The following ALDH3B2 variants were observed in gnomAD, a reference collection of about 807,000 sequenced individuals.
ALDH3B2 encodes the protein aldehyde dehydrogenase family 3 member B2.
Under a neutral mutation model 36.7 loss-of-function variants are expected in ALDH3B2, and 45 were observed. That is an observed-to-expected ratio of 1.23 (90% CI 0.97 to 1.57). ALDH3B2 has a LOEUF of 1.57. Among genes scored for constraint, ALDH3B2 ranks in the 40% most tolerant of loss-of-function variants. The pLI, the probability that ALDH3B2 is intolerant of heterozygous loss-of-function variation, is 0.00. For synonymous variants in ALDH3B2, 217 were observed against 226.5 expected (o/e 0.96, Z 0.38); for missense variants, 464 against 513.3 (o/e 0.90, Z 0.93).
At chr11:67,675,973 C>T (rs571461625), upstream of ALDH3B2, among the ~76,000 whole-genome samples, 5 of 152,272 alleles carry the variant, frequency 3.3e-5, no homozygotes, top group South Asian at 2.1e-4. Flanking sequence ...AGGTCGGGTG[C>T]GGTGGCTCAT....
chr11:67,665,322 G>A (rs1483517726), exon 7 of ALDH3B2: 1 of 1,611,222 alleles, frequency 6.2e-7, no homozygotes, highest in South Asian at 1.1e-5. Context: ...GGCCCCCAAT[G>A]GCCACGCGGC....
chr11:67,664,254 A>G, intron 8 of ALDH3B2, 142 bp downstream of exon 8: 2 of 1,313,236 alleles, frequency 1.5e-6, no homozygotes, highest in Non-Finnish European at 2.1e-6. Flanking sequence ...CGCCGGATGC[A>G]GTGGTACCAG....
chr11:67,678,640 T>TAC (rs566908455), upstream of ALDH3B2, among the ~76,000 whole-genome samples: 291 of 150,730 alleles, frequency 1.9e-3, 2 homozygotes, highest in Non-Finnish European at 3.4e-3. Context: ...ATGGTACATA[T>TAC]ATATATATAT....
Position 67,672,042 on chromosome 11 carries a change from CATATATATATATATATATATATAT to C in ALDH3B2, c.-245+2371_-245+2394del, listed in dbSNP as rs57997475. On this transcript the variant is annotated intron_variant, in intron 1 of 9. Transcript: ENST00000349015. ...CTTTCTGGATGGAACCGATGTACTT[CATATATATATATATATATATATAT>C]ATATATATATATATATATATATGTA... Among the ~76,000 whole-genome samples the C allele has an allele frequency of 4.4e-4, 22 of 49,494 alleles. No homozygotes were observed. The South Asian group carries it at 9.5e-3, about 21-fold the overall frequency. The allele number at this position is 49,494 out of a possible 152,430, so 32.5% of individuals were successfully genotyped here.
At chr11:67,669,713 T>C (rs1301670311) in intron 1 of ALDH3B2, among the ~76,000 whole-genome samples, 1 of 148,014 alleles carries the variant, frequency 6.8e-6, no homozygotes, top group Non-Finnish European at 1.5e-5. Flanking sequence ...TGGGTGTCTG[T>C]GTGCGTATGG....
chr11:67,671,865 C>A, intron 1 of ALDH3B2, among the ~76,000 whole-genome samples: 1 of 114,578 alleles, frequency 8.7e-6, no homozygotes, highest in Admixed American at 8.5e-5. Flanking sequence ...TTATTCACAG[C>A]CACCCCTCTG....
upstream of ALDH3B2, among the ~76,000 whole-genome samples, chr11:67,679,622 A>G (rs1278335487): frequency 6.6e-6 from 1 of 152,040 alleles, no homozygotes; most frequent in African/African-American, 2.4e-5. Flanking sequence ...TACTAAAAAT[A>G]CAAAAAATTA....
chr11:67,667,018 T>C lies in ALDH3B2; in HGVS notation c.-81-2A>G. The C allele has an allele frequency of 6.4e-7, 1 of 1,573,402 alleles. No homozygotes were observed. The highest frequency in any genetic ancestry group is 8.7e-7 in the Non-Finnish European group (1 of 1,144,192). On this transcript the variant is annotated splice_acceptor_variant, in intron 2 of 9. Transcript: ENST00000349015. LOFTEE classifies it low-confidence loss of function (5UTR_SPLICE). ...AGATATGTCTGCCTCGAAAGCTGGC[T>C]GTGGTGGAGGTGGAATTCAGAGTGG...
In ALDH3B2 at chr11:67,672,085, A is replaced by ACG. The variant is rs1856135992; in HGVS notation, c.-245+2351_-245+2352insCG. On this transcript the variant is annotated intron_variant, in intron 1 of 9. Transcript: ENST00000349015. ...TATATATATATATATATATATATATATATGTATGTATGTATTTTGTGTGTG... is the reference window on the plus strand; with the variant it reads ...TATATATATATATATATATATATATACGTATGTATGTATGTATTTTGTGTGTG... 9.5e-5 allele frequency among the ~76,000 whole-genome samples: 5 copies of ACG among 52,840 alleles called. 1 individual carries two copies. Among genetic ancestry groups the ACG allele is most frequent in the Non-Finnish European group, 1.8e-4 (5 of 27,450 alleles). The allele number at this position is 52,840 out of a possible 152,430, so 34.7% of individuals were successfully genotyped here.
chr11:67,678,628 C>T (rs189387617), upstream of ALDH3B2, among the ~76,000 whole-genome samples: 306 of 148,474 alleles, frequency 2.1e-3, 1 homozygote, highest in Non-Finnish European at 3.5e-3. Context: ...TATATATATA[C>T]TATGGTACAT....
At chr11:67,680,999 C>T (rs1419271476) in intron 1 of ALDH3B2, among the ~76,000 whole-genome samples, 1 of 152,156 alleles carries the variant, frequency 6.6e-6, no homozygotes, top group Admixed American at 6.5e-5. Context: ...TACACAAATG[C>T]CTAAACAGCT....
At chr11:67,666,963 G>C (rs766688290) in exon 3 of ALDH3B2, 11 of 1,613,988 alleles carry the variant, frequency 6.8e-6, no homozygotes, top group Non-Finnish European at 9.3e-6. Flanking sequence ...TGAGAGCGTA[G>C]TCAACCTCGT....
At chr11:67,666,971 C>G in exon 3 of ALDH3B2, 1 of 1,613,518 alleles carries the variant, frequency 6.2e-7, no homozygotes, top group Non-Finnish European at 8.5e-7. Context: ...TAGTCAACCT[C>G]GTTCTGGCAA....
upstream of ALDH3B2, among the ~76,000 whole-genome samples, chr11:67,675,316 G>A (rs1243908077): frequency 1.3e-5 from 2 of 152,306 alleles, no homozygotes; most frequent in Middle Eastern, 3.4e-3. Flanking sequence ...AGAGGGAGAC[G>A]TGAGAATGGA....
At chr11:67,664,991 G>A (rs1230764374) in intron 7 of ALDH3B2, among the ~76,000 whole-genome samples, 1 of 152,150 alleles carries the variant, frequency 6.6e-6, no homozygotes. Context: ...CAGAGGTTAC[G>A]GCCTTTCAGG....
At chr11:67,677,377 G>A (rs1856291190), upstream of ALDH3B2, among the ~76,000 whole-genome samples, 1 of 152,064 alleles carries the variant, frequency 6.6e-6, no homozygotes, top group Admixed American at 6.6e-5. Flanking sequence ...AATAGATGCA[G>A]AAAAAGCATT....
chr11:67,671,637 C>T, intron 1 of ALDH3B2, among the ~76,000 whole-genome samples: 1 of 151,082 alleles, frequency 6.6e-6, no homozygotes, highest in Non-Finnish European at 1.5e-5. Context: ...ACCTCTGCCT[C>T]CCAGGTTCAA....
At chr11:67,669,272 G>A (rs1856009254) in intron 1 of ALDH3B2, among the ~76,000 whole-genome samples, 2 of 150,862 alleles carry the variant, frequency 1.3e-5, no homozygotes, top group South Asian at 4.2e-4. Context: ...CTGTGTGTGT[G>A]TATGGGTGTT....
chr11:67,672,130 G>GTATATA (rs1278965660), intron 1 of ALDH3B2, among the ~76,000 whole-genome samples: 1 of 47,818 alleles, frequency 2.1e-5, no homozygotes, highest in African/African-American at 6.7e-5. Context: ...GTGTGTGTGT[G>GTATATA]TGTGTATATA....
Sources: gnomAD v4.1 joint callset for allele counts (sites outside exome capture counted in the v4.1 genomes callset) on GRCh38, gnomAD v4.1.1 for gene constraint, MANE v1.5 for transcripts, NCBI Gene and HGNC (gene_info 2026-07-23, HGNC 2026-07-21) for gene names.